Variants in HS6ST3 observed in about 807,000 individuals in gnomAD.
The protein encoded by HS6ST3 is heparan-sulfate 6-O-sulfotransferase 3.
Under a neutral mutation model 36.7 loss-of-function variants are expected in HS6ST3, and 12 were observed. The ratio of observed to expected loss-of-function variants is 0.33; its 90% CI spans 0.21 to 0.53. The LOEUF (loss-of-function observed/expected upper bound fraction) is 0.53. Ranked by LOEUF, HS6ST3 falls within the 20% of genes least tolerant of loss-of-function variation. HS6ST3 has a pLI of 0.95. For missense variants in HS6ST3, 584 were observed against 640.9 expected, an observed-to-expected ratio of 0.91 and a Z score of 0.96; for synonymous variants, 240 against 257.5, an observed-to-expected ratio of 0.93 and a Z score of 0.65.
At chr13:96,649,758 A>C (rs1241591622) in intron 1 of HS6ST3, among the ~76,000 whole-genome samples, 2 of 151,910 alleles carry the variant, frequency 1.3e-5, no homozygotes, top group Non-Finnish European at 1.5e-5. Flanking sequence ...TGTACACTCA[A>C]AGTAAAATTC....
At chr13:96,711,096 G>T (rs1010406697) in intron 1 of HS6ST3, among the ~76,000 whole-genome samples, 2 of 152,028 alleles carry the variant, frequency 1.3e-5, no homozygotes, top group Non-Finnish European at 2.9e-5. Context: ...CACCTGCCTC[G>T]TCCAAAATGA....
intron 1 of HS6ST3, among the ~76,000 whole-genome samples, chr13:96,633,718 C>G (rs2056539796): frequency 6.6e-6 from 1 of 152,070 alleles, no homozygotes; most frequent in Admixed American, 6.6e-5. Flanking sequence ...CACCACTCAC[C>G]TTAGATTCAT....
At chr13:96,247,761 C>T (rs1282634616) in intron 1 of HS6ST3, among the ~76,000 whole-genome samples, 1 of 152,082 alleles carries the variant, frequency 6.6e-6, no homozygotes, top group African/African-American at 2.4e-5. Context: ...ATCAGCATGA[C>T]AGTGTAACAG....
rs144526326 is a variant in HS6ST3, at chr13:96,749,169, A to G, written c.708-83321A>G. Among the ~76,000 whole-genome samples, 170 of 152,272 alleles carry G rather than the reference A, an allele frequency of 1.1e-3. 1 individual carries two copies. The highest frequency in any genetic ancestry group is 3.5e-3 in the African/African-American group (145 of 41,552). On this transcript the variant is annotated intron_variant, in intron 1 of 1. Coordinates refer to ENST00000376705, the MANE Select transcript of HS6ST3 (RefSeq NM_153456.4). ...TATTTCCCCCAGTATCACTGCAAAT[A>G]TGCTCTGTCTTCAGCACAACTACAT...
At chr13:96,125,392 A>G (rs1204190072) in intron 1 of HS6ST3, among the ~76,000 whole-genome samples, 4 of 152,222 alleles carry the variant, frequency 2.6e-5, no homozygotes, top group Non-Finnish European at 5.9e-5. Context: ...TAACTGGCAC[A>G]AAATTCTAAC....
At chr13:96,440,493 A>AAAG (rs1555305172) in intron 1 of HS6ST3, among the ~76,000 whole-genome samples, 139 of 72,164 alleles carry the variant, frequency 1.9e-3, no homozygotes, top group African/African-American at 8.3e-3. Context: ...AGGGGAGAGG[A>AAAG]GAAAGGAAAG....
At chr13:96,760,485 T>TA (rs913506531) in intron 1 of HS6ST3, among the ~76,000 whole-genome samples, 58 of 134,334 alleles carry the variant, frequency 4.3e-4, no homozygotes, top group South Asian at 1.4e-3. Flanking sequence ...CGTTGTTCTG[T>TA]AAAAAAAAAA....
chr13:96,327,359 A>G lies in HS6ST3; in HGVS notation c.707+235790A>G, dbSNP rs576810675. ...TCCATCTTCAATTGATTTTTGTATA[A>G]GGTGTAAGGAAGGGATCCAGTTTCA... On this transcript the variant is annotated intron_variant, in intron 1 of 1. Coordinates refer to ENST00000376705, the MANE Select transcript of HS6ST3 (RefSeq NM_153456.4). 3.3e-5 allele frequency among the ~76,000 whole-genome samples: 5 copies of G among 152,152 alleles called. No individual in the cohort carries two copies. In the East Asian group the frequency reaches 5.8e-4, roughly 18 times the overall value.
rs16953449 is a variant in HS6ST3, at chr13:96,488,601, G to A, written c.708-343889G>A. On this transcript the variant is annotated intron_variant, in intron 1 of 1. Coordinates refer to ENST00000376705, the MANE Select transcript of HS6ST3 (RefSeq NM_153456.4). ...GCTGCTTTTGTTGTCTAGTTTTTTC[G>A]CCCTAAAGTGGTTGGCTGTTTATGA... Among the ~76,000 whole-genome samples, 1,109 of 152,010 alleles carry A rather than the reference G, an allele frequency of 7.3e-3. 9 individuals are homozygous for A. Among genetic ancestry groups the A allele is most frequent in the East Asian group, 0.019 (97 of 5,162 alleles).
intron 1 of HS6ST3, among the ~76,000 whole-genome samples, chr13:96,761,782 A>G (rs1876976961): frequency 6.6e-6 from 1 of 152,156 alleles, no homozygotes; most frequent in Admixed American, 6.5e-5. Flanking sequence ...GCTTGTTTTT[A>G]CGCAGTTCCA....
intron 1 of HS6ST3, among the ~76,000 whole-genome samples, chr13:96,182,938 G>A (rs1377381892): frequency 2.0e-5 from 3 of 152,102 alleles, no homozygotes; most frequent in Admixed American, 2.0e-4. Flanking sequence ...CAAGTATTTG[G>A]AGATTAAGGA....
intron 1 of HS6ST3, among the ~76,000 whole-genome samples, chr13:96,307,487 A>T (rs926174318): frequency 6.6e-6 from 1 of 152,158 alleles, no homozygotes; most frequent in African/African-American, 2.4e-5. Flanking sequence ...CTGTTAAAAA[A>T]ACTGCCGAGG....
At chr13:96,375,583 G>A (rs56974304) in intron 1 of HS6ST3, among the ~76,000 whole-genome samples, 1 of 152,010 alleles carries the variant, frequency 6.6e-6, no homozygotes, top group Non-Finnish European at 1.5e-5. Context: ...CTGTGACCTG[G>A]GTCAGTGTGT....
chr13:96,574,363 CA>C (rs978881290), intron 1 of HS6ST3: 7 of 423,766 alleles, frequency 1.7e-5, no homozygotes, highest in African/African-American at 1.2e-4. Flanking sequence ...ATCCAATTAC[CA>C]GTGAATTTGG....
intron 1 of HS6ST3, among the ~76,000 whole-genome samples, chr13:96,387,836 G>C (rs1402284163): frequency 6.6e-6 from 1 of 152,132 alleles, no homozygotes; most frequent in Non-Finnish European, 1.5e-5. Context: ...TCTTACAGGG[G>C]GTTCTGTAAA....
rs890639217 is a variant in HS6ST3 at position 96,837,128 on chromosome 13, A to C, written c.*3930A>C. 1 of 152,226 alleles carries C rather than the reference A, an allele frequency of 6.6e-6. No individual in the cohort carries two copies. The highest frequency in any genetic ancestry group is 2.1e-4 in the South Asian group (1 of 4,828). 9.4% of individuals were successfully genotyped at this position (152,226 alleles called of 1,614,324 possible). On this transcript the variant is annotated 3_prime_UTR_variant, in exon 2 of 2. Transcript: ENST00000376705. ...ATAAGCATAGGAGGTTCTGTTATTA[A>C]AGAAACAATGTGAAATAATGTGGAA...
At chr13:96,557,686 G>C (rs181627401) in intron 1 of HS6ST3, among the ~76,000 whole-genome samples, 1 of 152,236 alleles carries the variant, frequency 6.6e-6, no homozygotes, top group Admixed American at 6.5e-5. Flanking sequence ...TCCAAACCAT[G>C]GTTCACTTGG....
At chr13:96,629,442 A>G (rs1314510408) in intron 1 of HS6ST3, among the ~76,000 whole-genome samples, 3 of 152,186 alleles carry the variant, frequency 2.0e-5, no homozygotes, top group Non-Finnish European at 4.4e-5. Context: ...TATGTAATGA[A>G]CACTCATAGA....
chr13:96,825,873 C>T (rs549806832), intron 1 of HS6ST3, among the ~76,000 whole-genome samples: 4 of 152,290 alleles, frequency 2.6e-5, no homozygotes, highest in Admixed American at 1.3e-4. Flanking sequence ...CCACTCCTGA[C>T]CTCTGTAACT....
Sources: allele counts gnomAD v4.1 joint callset (sites outside exome capture counted in the v4.1 genomes callset), GRCh38; gene constraint gnomAD v4.1.1; transcripts MANE v1.5; gene names NCBI Gene and HGNC (gene_info 2026-07-23, HGNC 2026-07-21).